The following ARHGAP5 variants were observed in gnomAD, a reference collection of about 807,000 sequenced individuals.
ARHGAP5 encodes rho GTPase-activating protein 5.
Under a neutral mutation model 116.6 loss-of-function variants are expected in ARHGAP5, and 23 were observed. The observed-to-expected ratio is 0.20, with a 90% CI of 0.14 to 0.28. The LOEUF (loss-of-function observed/expected upper bound fraction) is 0.28, where lower values mean the gene tolerates loss of function less well. Among genes scored for constraint, ARHGAP5 ranks in the 10% least tolerant of loss-of-function variants. ARHGAP5 has a pLI of 1.00. For synonymous variants in ARHGAP5, 574 were observed against 602.0 expected (o/e 0.95, Z 0.68); for missense variants, 1,405 against 1,774.8 (o/e 0.79, Z 3.74).
chr14:32,140,343 A>T (rs1018396044), intron 3 of ARHGAP5, among the ~76,000 whole-genome samples: 1 of 151,470 alleles, frequency 6.6e-6, no homozygotes, highest in African/African-American at 2.4e-5. Flanking sequence ...GCACTTTGGG[A>T]GGCCGAGGCA....
At position 32,146,440 on chromosome 14, in the gene ARHGAP5, A is replaced by G. The variant is rs1881384078; in HGVS notation, c.3943+100A>G. On this transcript the variant is annotated intron_variant, in intron 4 of 6. Transcript: ENST00000345122. The stretch of plus-strand genomic sequence containing the variant: ...ATTTTCATTTGAAAACTTCCTAAGG[A>G]TATGGATGTTGAGGAGAGAGGGTTT... 2 of 835,724 alleles carry G rather than the reference A, an allele frequency of 2.4e-6. 1 individual carries two copies. 51.8% of individuals were successfully genotyped at this position (835,724 alleles called of 1,614,324 possible).
intron 2 of ARHGAP5, among the ~76,000 whole-genome samples, chr14:32,095,404 T>G (rs1275599695): frequency 2.7e-5 from 4 of 150,420 alleles, no homozygotes; most frequent in Non-Finnish European, 5.9e-5. Context: ...AAACTTTGTT[T>G]TTTTTTTTTT....
At chr14:32,147,147 A>G (rs976325740) in intron 4 of ARHGAP5, among the ~76,000 whole-genome samples, 3 of 152,248 alleles carry the variant, frequency 2.0e-5, no homozygotes, top group African/African-American at 7.2e-5. Context: ...TTAAAGATTT[A>G]AACGTAAAAA....
At chr14:32,099,667 T>C (rs1350160135) in intron 2 of ARHGAP5, among the ~76,000 whole-genome samples, 2 of 152,198 alleles carry the variant, frequency 1.3e-5, no homozygotes, top group African/African-American at 4.8e-5. Context: ...AGTCTGTATC[T>C]CAGAACGGTC....
rs1437655111 is a variant in ARHGAP5 at position 32,158,189 on chromosome 14, A to T, written c.*3241A>T. 6.6e-6 allele frequency: 1 copy of T among 151,702 alleles called. No individual in the cohort carries two copies. Among genetic ancestry groups the T allele is most frequent in the Non-Finnish European group, 1.5e-5 (1 of 67,732 alleles). 9.4% of individuals were successfully genotyped at this position (151,702 alleles called of 1,614,324 possible). A position where few individuals can be genotyped will look rare whatever the true frequency, so the allele number is the denominator to read the frequency against. ...CCATTTCATTGGTAAAAATTAGCTAATTTTTTTCAAGTGAAATGAAAAATA... is the reference window on the plus strand; with the variant it reads ...CCATTTCATTGGTAAAAATTAGCTATTTTTTTTCAAGTGAAATGAAAAATA... On this transcript the variant is annotated 3_prime_UTR_variant, in exon 7 of 7. Transcript: ENST00000345122.
Position 32,093,191 on chromosome 14 carries a change from G to T in ARHGAP5, c.2522G>T (p.Gly841Val). Residue 841 changes from glycine (G) to valine (V), a missense_variant, in exon 2 of 7, where the codon GGA becomes GTA. Physicochemically the swap from Gly to Val is moderately radical, Grantham distance 109. Transcript: ENST00000345122. ...ATATTATCATACCACTCTTCAATTGGAGTAAGAAAAGATGAACTAGTTCAT... is the reference window on the plus strand; with the variant it reads ...ATATTATCATACCACTCTTCAATTGTAGTAAGAAAAGATGAACTAGTTCAT... ...ITILSYHSSI[G>V]VRKDELVHGY... is the part of the protein sequence containing the mutation. The T allele has an allele frequency of 6.2e-7, 1 of 1,613,968 alleles. No individual in the cohort carries two copies. The highest frequency in any genetic ancestry group is 2.2e-5 in the East Asian group (1 of 44,878).
At chr14:32,083,893 G>A (rs976476415) in intron 1 of ARHGAP5, among the ~76,000 whole-genome samples, 1 of 152,110 alleles carries the variant, frequency 6.6e-6, no homozygotes, top group Admixed American at 6.5e-5. Context: ...TTACTGGCTT[G>A]GTAGACTTTC....
At chr14:32,089,265 C>A (rs968324094) in intron 1 of ARHGAP5, among the ~76,000 whole-genome samples, 1 of 151,814 alleles carries the variant, frequency 6.6e-6, no homozygotes, top group Non-Finnish European at 1.5e-5. Flanking sequence ...TGTTTACTTG[C>A]AACAGAGGTC....
intron 3 of ARHGAP5, among the ~76,000 whole-genome samples, chr14:32,130,525 CATTGATTGATTG>C (rs112501644): frequency 8.8e-4 from 130 of 148,110 alleles, no homozygotes; most frequent in African/African-American, 3.1e-3. Context: ...CCCAACCTGG[CATTGATTGATTG>C]ATTGATTGAT....
At chr14:32,109,311 G>A (rs2139052286) in intron 2 of ARHGAP5, among the ~76,000 whole-genome samples, 1 of 151,992 alleles carries the variant, frequency 6.6e-6, no homozygotes, top group African/African-American at 2.4e-5. Context: ...AAAGAAAAAG[G>A]AAGGAGCTAT....
chr14:32,121,719 A>G (rs1285345852), intron 3 of ARHGAP5, among the ~76,000 whole-genome samples: 1 of 152,196 alleles, frequency 6.6e-6, no homozygotes, highest in African/African-American at 2.4e-5. Flanking sequence ...TCATCCCAAG[A>G]AGAAATACTA....
chr14:32,147,953 G>C (rs1283878192), intron 4 of ARHGAP5, among the ~76,000 whole-genome samples: 2 of 152,158 alleles, frequency 1.3e-5, no homozygotes, highest in Admixed American at 1.3e-4. Flanking sequence ...AGGAGTTCTA[G>C]CCCAGCCTGG....
intron 6 of ARHGAP5, chr14:32,154,038 T>C (rs1566687652): frequency 6.6e-6 from 1 of 152,322 alleles, no homozygotes; most frequent in South Asian, 2.1e-4. Context: ...ATACTCTGGT[T>C]TTTCATCTCT....
chr14:32,090,397 A>G (rs1187413038), intron 1 of ARHGAP5, 105 bp from the exon 2 acceptor site: 1 of 427,786 alleles, frequency 2.3e-6, no homozygotes. Context: ...AAATACATGT[A>G]TCATTATTAT....
intron 6 of ARHGAP5, among the ~76,000 whole-genome samples, chr14:32,153,713 C>T (rs892236267): frequency 7.9e-5 from 12 of 151,682 alleles, no homozygotes; most frequent in South Asian, 4.2e-4. Context: ...CCTTGTGATC[C>T]GCCTACCTCG....
Position 32,093,350 on chromosome 14 carries a change from A to G in ARHGAP5, c.2681A>G (p.Asn894Ser), listed in dbSNP as rs1326208617. The G allele has an allele frequency of 6.2e-7, 1 of 1,613,972 alleles. No homozygotes were observed. Among genetic ancestry groups the G allele is most frequent in the East Asian group, 2.2e-5 (1 of 44,878 alleles). ...GACAGCCAAGCAGATTTTTTTGAAAATGAGGCTATCAAAGAGTTAATGACT... is the reference window on the plus strand; with the variant it reads ...GACAGCCAAGCAGATTTTTTTGAAAGTGAGGCTATCAAAGAGTTAATGACT... ...VTDSQADFFE[N>S]EAIKELMTEG... Residue 894 changes from asparagine to serine, a missense_variant, in exon 2 of 7, where the codon AAT (asparagine) becomes AGT (serine). By Grantham distance (46) the Asn-to-Ser change is conservative. Coordinates refer to ENST00000345122, the MANE Select transcript of ARHGAP5 (RefSeq NM_001030055.2).
chr14:32,148,163 AATCTATCTATCTATCTATCT>A (rs71441707), intron 4 of ARHGAP5, among the ~76,000 whole-genome samples: 8 of 147,438 alleles, frequency 5.4e-5, no homozygotes, highest in African/African-American at 1.0e-4. Context: ...AAAAAAAAGA[AATCTATCTATCTATCTATCT>A]ATCTATCTAT....
At chr14:32,147,512 T>C (rs1881432063) in intron 4 of ARHGAP5, among the ~76,000 whole-genome samples, 1 of 152,208 alleles carries the variant, frequency 6.6e-6, no homozygotes, top group African/African-American at 2.4e-5. Context: ...CGCTGTTGGT[T>C]GTAGGTGCCT....
chr14:32,124,727 T>C (rs1425340955), intron 3 of ARHGAP5, among the ~76,000 whole-genome samples: 1 of 152,166 alleles, frequency 6.6e-6, no homozygotes, highest in Non-Finnish European at 1.5e-5. Flanking sequence ...CTGTGGGACA[T>C]ATAAAAGCCT....
Sources: gnomAD v4.1 joint callset for allele counts (sites outside exome capture counted in the v4.1 genomes callset) on GRCh38, gnomAD v4.1.1 for gene constraint, MANE v1.5 for transcripts, NCBI Gene and HGNC (gene_info 2026-07-23, HGNC 2026-07-21) for gene names.